SLC10A7: variants seen among roughly 807,000 people sequenced by gnomAD.
SLC10A7 encodes the protein solute carrier family 10 member 7.
SLC10A7 carries 29 observed loss-of-function variants against 43.2 expected under a neutral mutation model. The ratio of observed to expected loss-of-function variants is 0.67; its 90% CI spans 0.50 to 0.92. The LOEUF is 0.92. Ranked by LOEUF, SLC10A7 falls within the 40% of genes least tolerant of loss-of-function variation. The pLI is 0.00. For synonymous variants in SLC10A7, 152 were observed against 144.8 expected, an observed-to-expected ratio of 1.05 and a Z score of -0.35; for missense variants, 295 against 403.2, an observed-to-expected ratio of 0.73 and a Z score of 2.30.
chr4:146,494,280 A>C (rs763950829), intron 4 of SLC10A7, among the ~76,000 whole-genome samples: 32 of 152,244 alleles, frequency 2.1e-4, no homozygotes, highest in Non-Finnish European at 4.0e-4. Context: ...AATTAAGCAC[A>C]TGCTTTGATT....
chr4:146,327,951 G>T (rs1464432350), intron 5 of SLC10A7, among the ~76,000 whole-genome samples: 3 of 152,186 alleles, frequency 2.0e-5, no homozygotes, highest in Non-Finnish European at 4.4e-5. Context: ...GGCACCGTCT[G>T]CAGACCAGAG....
chr4:146,256,659 C>T, intron 11 of SLC10A7, 139 bp from the exon 12 acceptor site: 1 of 1,067,084 alleles, frequency 9.4e-7, no homozygotes, highest in South Asian at 1.4e-5. Flanking sequence ...ATAATCCAAA[C>T]CTCTGGATAC....
chr4:146,270,300 C>T (rs1728815196), intron 10 of SLC10A7, among the ~76,000 whole-genome samples: 1 of 152,156 alleles, frequency 6.6e-6, no homozygotes, highest in Non-Finnish European at 1.5e-5. Context: ...TTTTTCTATT[C>T]TCCTCTGTTT....
chr4:146,265,039 C>T (rs1728468687), intron 10 of SLC10A7, among the ~76,000 whole-genome samples: 1 of 152,174 alleles, frequency 6.6e-6, no homozygotes, highest in Non-Finnish European at 1.5e-5. Flanking sequence ...TTCCAGTGTC[C>T]ATTCATCAAA....
In SLC10A7 at chr4:146,305,946, C is replaced by T; in HGVS notation, c.535G>A (p.Val179Ile). 1 of 1,609,930 alleles carries T rather than the reference C, an allele frequency of 6.2e-7. No individual in the cohort carries two copies. ...CTTACCTGTCCAATGATGAGAGGAA[C>T]CACAACAGTCATAAAAAGCTGAGAA... ...IFSQLFMTVV[V>I]PLIIGQIVRR... The change falls in exon 7 of 12, where the codon GTT becomes ATT. Residue 179 changes from valine to isoleucine, a missense_variant. This residue lies in a region of SLC10A7 where 242 missense variants were observed against 362.5 expected (regional missense o/e 0.67). Transcript: ENST00000335472.
intron 5 of SLC10A7, among the ~76,000 whole-genome samples, chr4:146,387,699 G>A (rs1395372174): frequency 6.6e-6 from 1 of 152,082 alleles, no homozygotes; most frequent in Non-Finnish European, 1.5e-5. Context: ...TCCTACAAAG[G>A]ACCCCTAGCT....
At chr4:146,381,339 G>A (rs1737606981) in intron 5 of SLC10A7, among the ~76,000 whole-genome samples, 2 of 152,104 alleles carry the variant, frequency 1.3e-5, no homozygotes, top group South Asian at 2.1e-4. Flanking sequence ...TTGTAAAACT[G>A]AACTGTTTAG....
chr4:146,392,853 A>G (rs1226572550), intron 5 of SLC10A7, among the ~76,000 whole-genome samples: 1 of 152,144 alleles, frequency 6.6e-6, no homozygotes, highest in Non-Finnish European at 1.5e-5. Context: ...AAGACACTGC[A>G]TGACCTTGCT....
At chr4:146,262,227 A>G (rs1403585210) in intron 10 of SLC10A7, among the ~76,000 whole-genome samples, 13 of 152,204 alleles carry the variant, frequency 8.5e-5, no homozygotes, top group Admixed American at 8.5e-4. Context: ...CTCCAAGGTC[A>G]GAATAGAAAG....
intron 7 of SLC10A7, among the ~76,000 whole-genome samples, chr4:146,296,856 C>T (rs1279425983): frequency 2.0e-5 from 3 of 152,222 alleles, no homozygotes; most frequent in East Asian, 3.9e-4. Context: ...ATATAAACTC[C>T]AGGAAACTTT....
intron 5 of SLC10A7, among the ~76,000 whole-genome samples, chr4:146,338,578 G>C (rs1388733755): frequency 1.3e-5 from 2 of 151,980 alleles, no homozygotes; most frequent in Non-Finnish European, 2.9e-5. Context: ...GGGATAATGT[G>C]TTACCTCACT....
In SLC10A7 at chr4:146,503,512, C is replaced by G. The variant is rs140983500; in HGVS notation, c.396+337G>C. On this transcript the variant is annotated intron_variant, in intron 4 of 11. Coordinates refer to ENST00000335472, the MANE Select transcript of SLC10A7 (RefSeq NM_001029998.6). ...AACAAATTTTTTGGAGATAAGGAAT[C>G]GCCATACTGGATGCCCTCAGTCTGA... is the stretch of plus-strand genomic sequence containing the variant. 3.4e-4 allele frequency among the ~76,000 whole-genome samples: 52 copies of G among 152,284 alleles called. 1 individual carries two copies. Among genetic ancestry groups the G allele is most frequent in the Admixed American group, 3.4e-3 (52 of 15,288 alleles).
intron 5 of SLC10A7, 197 bp downstream of exon 5, chr4:146,442,586 C>A: frequency 2.1e-6 from 3 of 1,419,016 alleles, no homozygotes; most frequent in Non-Finnish European, 1.8e-6. Context: ...ACCCAAACCT[C>A]CAAAATATAT....
intron 5 of SLC10A7, among the ~76,000 whole-genome samples, chr4:146,360,539 C>T (rs1735969648): frequency 6.6e-6 from 1 of 152,006 alleles, no homozygotes; most frequent in Admixed American, 6.6e-5. Context: ...CTCCTGGGCT[C>T]AAAATATCCT....
chr4:146,371,542 C>T (rs1469963089), intron 5 of SLC10A7, among the ~76,000 whole-genome samples: 2 of 152,174 alleles, frequency 1.3e-5, no homozygotes, highest in East Asian at 1.9e-4. Context: ...AGAAAAGGAA[C>T]GGAGTTCTAA....
At chr4:146,428,558 T>A (rs567143112) in intron 5 of SLC10A7, among the ~76,000 whole-genome samples, 2 of 152,152 alleles carry the variant, frequency 1.3e-5, no homozygotes, top group African/African-American at 2.4e-5. Flanking sequence ...TCTTTTTTTT[T>A]TTTTATTTTC....
intron 3 of SLC10A7, among the ~76,000 whole-genome samples, chr4:146,504,168 A>G (rs1394132298): frequency 6.6e-6 from 1 of 152,118 alleles, no homozygotes; most frequent in Non-Finnish European, 1.5e-5. Context: ...AAGCTATTTA[A>G]GCTCTTATTA....
At chr4:146,337,086 C>T (rs1733941656) in intron 5 of SLC10A7, among the ~76,000 whole-genome samples, 1 of 151,970 alleles carries the variant, frequency 6.6e-6, no homozygotes, top group South Asian at 2.1e-4. Flanking sequence ...GATGTGGGAA[C>T]TTTCTATCAT....
chr4:146,402,881 T>G (rs1264789584), intron 5 of SLC10A7, among the ~76,000 whole-genome samples: 2 of 152,184 alleles, frequency 1.3e-5, no homozygotes, highest in African/African-American at 4.8e-5. Flanking sequence ...TTGAACAGTG[T>G]ATGTAGTGGT....
Sources: allele counts gnomAD v4.1 joint callset (sites outside exome capture counted in the v4.1 genomes callset), GRCh38; gene constraint gnomAD v4.1.1; regional missense constraint gnomAD v4.1.1; transcripts MANE v1.5; gene names NCBI Gene and HGNC (gene_info 2026-07-23, HGNC 2026-07-21).